The following PLCB4 variants were observed in gnomAD, a reference collection of about 807,000 sequenced individuals.
PLCB4 encodes the protein 1-phosphatidylinositol 4,5-bisphosphate phosphodiesterase beta-4.
In PLCB4, 77 loss-of-function variants were observed where a neutral mutation model predicts 178.8. The ratio of observed to expected loss-of-function variants is 0.43; its 90% confidence interval spans 0.36 to 0.52. The LOEUF (loss-of-function observed/expected upper bound fraction) is 0.52. PLCB4 is among the 20% of genes least tolerant of loss of function. The pLI, the probability that PLCB4 is intolerant of heterozygous loss-of-function variation, is 0.00. For missense variants in PLCB4, 1,024 were observed against 1,453.4 expected, an observed-to-expected ratio of 0.70 and a Z score of 4.80; for synonymous variants, 496 against 490.8, an observed-to-expected ratio of 1.01 and a Z score of -0.14.
intron 34 of PLCB4, among the ~76,000 whole-genome samples, chr20:9,458,902 A>T (rs937706105): frequency 6.6e-6 from 1 of 152,364 alleles, no homozygotes; most frequent in African/African-American, 2.4e-5. Flanking sequence ...AGTGTCTATC[A>T]GGGTTGACAC....
intron 2 of PLCB4, among the ~76,000 whole-genome samples, chr20:9,204,720 T>C (rs1371695009): frequency 6.6e-6 from 1 of 152,114 alleles, no homozygotes; most frequent in Non-Finnish European, 1.5e-5. Flanking sequence ...AGTAAAGCTA[T>C]ATGTCATGTT....
intron 9 of PLCB4, among the ~76,000 whole-genome samples, chr20:9,367,118 A>G (rs992149377): frequency 6.6e-6 from 1 of 152,110 alleles, no homozygotes; most frequent in African/African-American, 2.4e-5. Context: ...CTCCCTTGAC[A>G]TTACTCTTTT....
intron 26 of PLCB4, among the ~76,000 whole-genome samples, chr20:9,420,961 C>T (rs2040589116): frequency 6.6e-6 from 1 of 152,138 alleles, no homozygotes; most frequent in African/African-American, 2.4e-5. Context: ...TTAGGACATA[C>T]CTGAATTCAT....
chr20:9,080,647 C>G (rs764837664), intron 1 of PLCB4, among the ~76,000 whole-genome samples: 46 of 152,134 alleles, frequency 3.0e-4, no homozygotes, highest in Non-Finnish European at 5.9e-4. Context: ...CTGGAGGTCT[C>G]TACATTGCTT....
chr20:9,135,372 C>T (rs532120396), intron 2 of PLCB4, among the ~76,000 whole-genome samples: 12 of 152,144 alleles, frequency 7.9e-5, no homozygotes, highest in African/African-American at 2.2e-4. Flanking sequence ...TTGAATTCAT[C>T]GGTTGATCAT....
intron 2 of PLCB4, among the ~76,000 whole-genome samples, chr20:9,110,217 A>G (rs1218808600): frequency 1.3e-5 from 2 of 152,058 alleles, no homozygotes; most frequent in Non-Finnish European, 2.9e-5. Context: ...TTTAAAACAT[A>G]TAATAAAAAT....
At chr20:9,459,214 C>A (rs1465037408) in intron 34 of PLCB4, among the ~76,000 whole-genome samples, 1 of 151,972 alleles carries the variant, frequency 6.6e-6, no homozygotes, top group Non-Finnish European at 1.5e-5. Context: ...CATGGTGGCA[C>A]GCATCTGTAA....
chr20:9,103,375 A>AT (rs1225486106), intron 2 of PLCB4, among the ~76,000 whole-genome samples: 1 of 152,168 alleles, frequency 6.6e-6, no homozygotes, highest in Non-Finnish European at 1.5e-5. Context: ...GTAAGTAAGA[A>AT]TTTTTTAAAT....
intron 3 of PLCB4, among the ~76,000 whole-genome samples, chr20:9,250,753 T>C (rs2147480876): frequency 6.6e-6 from 1 of 152,334 alleles, no homozygotes; most frequent in South Asian, 2.1e-4. Context: ...TCAAACTCCA[T>C]GCTTATTACA....
chr20:9,103,220 C>CTA (rs2091241302), intron 2 of PLCB4, among the ~76,000 whole-genome samples: 1 of 152,174 alleles, frequency 6.6e-6, no homozygotes, highest in East Asian at 1.9e-4. Flanking sequence ...TAAGACCCTT[C>CTA]TATACTCTTA....
At chr20:9,169,473 C>A (rs1343593701) in intron 2 of PLCB4, among the ~76,000 whole-genome samples, 1 of 151,518 alleles carries the variant, frequency 6.6e-6, no homozygotes, top group East Asian at 1.9e-4. Flanking sequence ...ACCTGTAATC[C>A]CAACTACTCT....
intron 2 of PLCB4, among the ~76,000 whole-genome samples, chr20:9,214,159 G>C (rs2093702913): frequency 6.6e-6 from 1 of 152,070 alleles, no homozygotes; most frequent in South Asian, 2.1e-4. Flanking sequence ...TGCTTTTGGT[G>C]TCACACCTAA....
At chr20:9,182,223 C>T (rs563013402) in intron 2 of PLCB4, among the ~76,000 whole-genome samples, 1 of 152,312 alleles carries the variant, frequency 6.6e-6, no homozygotes, top group Non-Finnish European at 1.5e-5. Flanking sequence ...GGGCTCCATT[C>T]TTGTAGCTAG....
At position 9,138,359 on chromosome 20, in the gene PLCB4, G is replaced by A. The variant is rs909254803; in HGVS notation, c.-79+42017G>A. On this transcript the variant is annotated intron_variant, in intron 2 of 39. Transcript: ENST00000378473. ...AATATACTCTAAAAATATTAGGGGAGTGTAAACAAAACAAAAATAATATCT... is the reference window on the plus strand; with the variant it reads ...AATATACTCTAAAAATATTAGGGGAATGTAAACAAAACAAAAATAATATCT... 5.9e-5 allele frequency among the ~76,000 whole-genome samples: 9 copies of A among 152,040 alleles called. 1 individual carries two copies. Among genetic ancestry groups the A allele is most frequent in the Admixed American group, 2.0e-4 (3 of 15,238 alleles).
chr20:9,162,174 T>G (rs1025423019), intron 2 of PLCB4, among the ~76,000 whole-genome samples: 4 of 152,208 alleles, frequency 2.6e-5, no homozygotes, highest in African/African-American at 9.7e-5. Context: ...TAATGTTCTC[T>G]GCTAATTTGT....
chr20:9,275,574 C>A (rs2094443390), intron 3 of PLCB4, among the ~76,000 whole-genome samples: 1 of 152,156 alleles, frequency 6.6e-6, no homozygotes, highest in South Asian at 2.1e-4. Flanking sequence ...CCTGCTCTTT[C>A]TTACTTTCAT....
chr20:9,082,479 G>A (rs1568714943), intron 1 of PLCB4, among the ~76,000 whole-genome samples: 1 of 152,010 alleles, frequency 6.6e-6, no homozygotes, highest in Non-Finnish European at 1.5e-5. Context: ...GGACTTAAGA[G>A]GTGTTTTCTT....
chr20:9,419,721 A>G (rs2040494782), intron 25 of PLCB4, 86 bp from the exon 26 acceptor site: 1 of 861,086 alleles, frequency 1.2e-6, no homozygotes. Context: ...ACAGATGGAG[A>G]AAAGGAAGCA....
intron 30 of PLCB4, among the ~76,000 whole-genome samples, chr20:9,439,088 G>C (rs2041954434): frequency 6.6e-6 from 1 of 152,218 alleles, no homozygotes; most frequent in African/African-American, 2.4e-5. Flanking sequence ...CGGTGTATCA[G>C]TCAGCTTATG....
Sources: allele counts gnomAD v4.1 joint callset (sites outside exome capture counted in the v4.1 genomes callset), GRCh38; gene constraint gnomAD v4.1.1; transcripts MANE v1.5; gene names NCBI Gene and HGNC (gene_info 2026-07-23, HGNC 2026-07-21).